TNRC18: variants seen among roughly 807,000 people sequenced by gnomAD.
TNRC18 encodes the protein trinucleotide repeat containing 18, also known as trinucleotide repeat-containing gene 18 protein.
In TNRC18, 69 loss-of-function variants were observed where a neutral mutation model predicts 226.7. That is an observed-to-expected ratio of 0.30 (90% confidence interval 0.25 to 0.37). The LOEUF (loss-of-function observed/expected upper bound fraction) is 0.37, where lower values mean the gene tolerates loss of function less well. Among genes scored for constraint, TNRC18 ranks in the 10% least tolerant of loss-of-function variants. The pLI, the probability that TNRC18 is intolerant of heterozygous loss-of-function variation, is 1.00. For missense variants in TNRC18, 4,754 were observed against 4,256.6 expected, an observed-to-expected ratio of 1.12 and a Z score of -3.25; for synonymous variants, 2,449 against 1,927.6, an observed-to-expected ratio of 1.27 and a Z score of -7.09.
chr7:5,365,214 C>T (rs1459049407), intron 11 of TNRC18, among the ~76,000 whole-genome samples: 7 of 152,188 alleles, frequency 4.6e-5, no homozygotes, highest in Admixed American at 3.9e-4. Flanking sequence ...CAGGCTCAAG[C>T]AATCACCCTG....
rs181868714 is a variant in TNRC18, at chr7:5,316,522, G to A, written c.6746-450C>T. On this transcript the variant is annotated intron_variant, in intron 24 of 29. Transcript: ENST00000430969. ...TCGAACTCCCGACCTCAGGTGATCC[G>A]CCCACCTCAGCCTCCCAAAGTGCTG... Among the ~76,000 whole-genome samples the A allele has an allele frequency of 3.5e-3, 525 of 152,034 alleles. 3 individuals carry two copies. Among genetic ancestry groups the A allele is most frequent in the African/African-American group, 0.012 (494 of 41,478 alleles).
chr7:5,368,061 A>AG (rs987740939), intron 11 of TNRC18, among the ~76,000 whole-genome samples: 96 of 151,994 alleles, frequency 6.3e-4, no homozygotes, highest in African/African-American at 2.1e-3. Context: ...GAAAAAAAAA[A>AG]AACAACTTTG....
At chr7:5,367,114 C>G in intron 11 of TNRC18, among the ~76,000 whole-genome samples, 1 of 152,116 alleles carries the variant, frequency 6.6e-6, no homozygotes, top group East Asian at 1.9e-4. Flanking sequence ...CTTGTAATCC[C>G]AGCACTTTGG....
intron 5 of TNRC18, among the ~76,000 whole-genome samples, chr7:5,383,575 C>T (rs1043675903): frequency 6.6e-6 from 1 of 152,204 alleles, no homozygotes; most frequent in Non-Finnish European, 1.5e-5. Flanking sequence ...AGGCAGAGGG[C>T]TCGCTCCAAA....
At chr7:5,323,247 G>T (rs1468916803) in intron 21 of TNRC18, among the ~76,000 whole-genome samples, 2 of 152,014 alleles carry the variant, frequency 1.3e-5, no homozygotes, top group Non-Finnish European at 2.9e-5. Flanking sequence ...CAGACCCCTG[G>T]GTCCCAGCCT....
intron 2 of TNRC18, among the ~76,000 whole-genome samples, chr7:5,418,544 C>T (rs890833846): frequency 6.6e-6 from 1 of 152,176 alleles, no homozygotes; most frequent in African/African-American, 2.4e-5. Flanking sequence ...CTTTATAAGC[C>T]CTGACAGCGC....
intron 18 of TNRC18, among the ~76,000 whole-genome samples, chr7:5,336,179 C>A (rs1288448362): frequency 6.6e-6 from 1 of 150,976 alleles, no homozygotes; most frequent in Admixed American, 6.6e-5. Context: ...TGCACTCCAG[C>A]CTGGGCAACA....
At chr7:5,385,991 A>AAAAC (rs1562591724) in intron 5 of TNRC18, among the ~76,000 whole-genome samples, 5 of 148,748 alleles carry the variant, frequency 3.4e-5, no homozygotes, top group African/African-American at 9.9e-5. Flanking sequence ...TCAAAAAAAA[A>AAAAC]AAAAAAAAAA....
chr7:5,307,285 A>C lies in TNRC18; in HGVS notation c.*821T>G. ...TATATTTATATATATTTATCTTTAT[A>C]TATATAATTAAAAAGTTGACTCCAT... On this transcript the variant is annotated 3_prime_UTR_variant, in exon 30 of 30. Coordinates refer to ENST00000430969, the MANE Select transcript of TNRC18 (RefSeq NM_001080495.3). 1 of 148,896 alleles carries C rather than the reference A, an allele frequency of 6.7e-6. No homozygotes were observed. Among genetic ancestry groups the C allele is most frequent in the Non-Finnish European group, 1.5e-5 (1 of 66,858 alleles). The allele number at this position is 148,896 out of a possible 1,614,324, so 9.2% of individuals were successfully genotyped here. A position where few individuals can be genotyped will look rare whatever the true frequency, so the allele number is the denominator to read the frequency against.
intron 16 of TNRC18, among the ~76,000 whole-genome samples, chr7:5,352,722 C>G (rs757053768): frequency 6.6e-6 from 1 of 152,272 alleles, no homozygotes; most frequent in African/African-American, 2.4e-5. Context: ...AACTATACAA[C>G]GGAGGACAAG....
intron 17 of TNRC18, among the ~76,000 whole-genome samples, chr7:5,351,505 GGGGAGGAGGGCA>G (rs893410228): frequency 8.6e-5 from 13 of 151,860 alleles, no homozygotes; most frequent in African/African-American, 9.7e-5. Context: ...CTCGGGGGAG[GGGGAGGAGGGCA>G]GGGAGGAGGG....
intron 2 of TNRC18, chr7:5,407,150 C>G (rs1781528472): frequency 6.6e-6 from 1 of 152,316 alleles, no homozygotes; most frequent in Non-Finnish European, 1.5e-5. Context: ...GGGGGCTCAC[C>G]CTGCACGTCC....
chr7:5,375,338 A>AAAC lies in TNRC18; in HGVS notation c.2799+693_2799+695dup, dbSNP rs1296955211. ...AAACAACAAAAACAAACAAACAAAC[A>AAAC]AACACCAGAACAAAGCGCTCCAAGG... On this transcript the variant is annotated intron_variant, in intron 9 of 29. Transcript: ENST00000430969. Among the ~76,000 whole-genome samples the AAAC allele has an allele frequency of 2.6e-5, 4 of 151,818 alleles. No individual in the cohort carries two copies. In the South Asian group the frequency reaches 6.2e-4, roughly 24 times the overall value.
At chr7:5,412,419 T>C (rs1781902147) in intron 2 of TNRC18, among the ~76,000 whole-genome samples, 1 of 151,764 alleles carries the variant, frequency 6.6e-6, no homozygotes. Context: ...CTACTAAAAA[T>C]ACAAAATTTA....
At chr7:5,364,148 A>G (rs1211002068) in intron 11 of TNRC18, among the ~76,000 whole-genome samples, 1 of 152,226 alleles carries the variant, frequency 6.6e-6, no homozygotes, top group East Asian at 1.9e-4. Flanking sequence ...AAAATTCAAA[A>G]ATTAGCTGGG....
At position 5,354,205 on chromosome 7, in the gene TNRC18, A is replaced by AAAT. The variant is rs200273473; in HGVS notation, c.5195-2114_5195-2112dup. 2.3e-3 allele frequency among the ~76,000 whole-genome samples: 345 copies of AAAT among 151,986 alleles called. 1 individual carries two copies. The highest frequency in any genetic ancestry group is 0.01 in the Middle Eastern group (3 of 290). ...GCAAAAACAGCAAAACTCCATCTCA[A>AAAT]AATAATAATAATAATAGTAATAATT... is the stretch of plus-strand genomic sequence containing the variant. On this transcript the variant is annotated intron_variant, in intron 16 of 29. Coordinates refer to ENST00000430969, the MANE Select transcript of TNRC18 (RefSeq NM_001080495.3).
chr7:5,323,581 T>TTTTTTTTTTTTA (rs60338709), intron 21 of TNRC18, among the ~76,000 whole-genome samples: 2 of 150,214 alleles, frequency 1.3e-5, no homozygotes, highest in African/African-American at 4.9e-5. Flanking sequence ...TTTTTTTTTT[T>TTTTTTTTTTTTA]GAGACACAGT....
intron 2 of TNRC18, among the ~76,000 whole-genome samples, chr7:5,398,143 G>A (rs1780824108): frequency 6.6e-6 from 1 of 151,818 alleles, no homozygotes; most frequent in South Asian, 2.1e-4. Context: ...TGGGACCACA[G>A]GCACACATCA....
At chr7:5,397,001 C>T (rs115198933) in intron 2 of TNRC18, among the ~76,000 whole-genome samples, 4,983 of 152,308 alleles carry the variant, frequency 0.033, 103 homozygotes, top group Middle Eastern at 0.058. Flanking sequence ...AGGGCCTCCA[C>T]CTTGGGCCCC....
Sources: allele counts gnomAD v4.1 joint callset (sites outside exome capture counted in the v4.1 genomes callset), GRCh38; gene constraint gnomAD v4.1.1; transcripts MANE v1.5; gene names NCBI Gene and HGNC (gene_info 2026-07-23, HGNC 2026-07-21).